Variants in DPP6 observed in about 807,000 individuals in gnomAD.
DPP6 encodes the protein A-type potassium channel modulatory protein DPP6.
A neutral mutation model predicts 122.6 loss-of-function variants in DPP6; 69 were observed. That is an observed-to-expected ratio of 0.56 (90% CI 0.46 to 0.69). The LOEUF is 0.69. Ranked by LOEUF, DPP6 falls within the 30% of genes least tolerant of loss-of-function variation. The probability of loss-of-function intolerance (pLI) is 0.00; values close to 1 mark genes in which losing one functional copy is unlikely to be tolerated. For synonymous variants in DPP6, 418 were observed against 433.1 expected, an observed-to-expected ratio of 0.97 and a Z score of 0.43; for missense variants, 928 against 1,116.9, an observed-to-expected ratio of 0.83 and a Z score of 2.41.
At chr7:153,992,114 G>T (rs1046465309) in intron 1 of DPP6, among the ~76,000 whole-genome samples, 7 of 151,772 alleles carry the variant, frequency 4.6e-5, no homozygotes, top group African/African-American at 1.5e-4. Context: ...CTCCCAAAAG[G>T]CCCCACCCCC....
At chr7:154,847,920 A>G (rs1444075397) in intron 16 of DPP6, among the ~76,000 whole-genome samples, 2 of 152,208 alleles carry the variant, frequency 1.3e-5, no homozygotes. Context: ...AGATCATGTG[A>G]CATTTCTCTT....
At chr7:154,156,922 G>T (rs1796711535) in intron 1 of DPP6, among the ~76,000 whole-genome samples, 1 of 152,284 alleles carries the variant, frequency 6.6e-6, no homozygotes, top group Non-Finnish European at 1.5e-5. Context: ...CCCATTGGTG[G>T]GTGGGGAGGT....
intron 7 of DPP6, among the ~76,000 whole-genome samples, chr7:154,701,568 G>C (rs1381871796): frequency 6.6e-6 from 1 of 152,180 alleles, no homozygotes; most frequent in Non-Finnish European, 1.5e-5. Context: ...CTGTGAATTA[G>C]CGTGGTGTGC....
chr7:153,802,486 A>G, the DPP6 span, among the ~76,000 whole-genome samples: 7 of 152,204 alleles, frequency 4.6e-5, no homozygotes, highest in African/African-American at 1.7e-4. Flanking sequence ...ATGATAAAAA[A>G]GAAGAAACAA....
At chr7:154,122,304 G>A (rs1563220118) in intron 1 of DPP6, among the ~76,000 whole-genome samples, 2 of 152,314 alleles carry the variant, frequency 1.3e-5, no homozygotes, top group South Asian at 2.1e-4. Flanking sequence ...CAGTGGTGAC[G>A]TGGAAATGTA....
Position 154,225,365 on chromosome 7 carries a change from A to G in DPP6, c.243+172302A>G, listed in dbSNP as rs945490878. The stretch of plus-strand genomic sequence containing the variant: ...TACAGCCTATATATTTTAAAATAGA[A>G]TATATATCTATAGAACAGGTACATG... On this transcript the variant is annotated intron_variant, in intron 1 of 25. Transcript: ENST00000377770. 3.3e-5 allele frequency among the ~76,000 whole-genome samples: 5 copies of G among 152,226 alleles called. No individual in the cohort carries two copies. The East Asian group carries it at 9.7e-4, about 29-fold the overall frequency.
At chr7:154,065,090 G>C (rs1802596217) in intron 1 of DPP6, among the ~76,000 whole-genome samples, 1 of 151,978 alleles carries the variant, frequency 6.6e-6, no homozygotes, top group Admixed American at 6.6e-5. Context: ...GACTGTTCCT[G>C]CATCTGAATT....
At chr7:154,881,024 T>A in intron 21 of DPP6, 82 bp downstream of exon 21, 1 of 1,513,466 alleles carries the variant, frequency 6.6e-7, no homozygotes, top group Non-Finnish European at 8.9e-7. Flanking sequence ...CCTGATTTAT[T>A]GAGAACGTCT....
the DPP6 span, among the ~76,000 whole-genome samples, chr7:153,781,132 C>T: frequency 6.6e-6 from 1 of 152,154 alleles, no homozygotes; most frequent in Admixed American, 6.5e-5. Flanking sequence ...GTTTTTAATG[C>T]AGATTAATGA....
chr7:154,812,963 T>C (rs1027925167), intron 16 of DPP6, among the ~76,000 whole-genome samples: 2 of 152,184 alleles, frequency 1.3e-5, no homozygotes, highest in African/African-American at 4.8e-5. Context: ...TATGTTTATG[T>C]TTTATGTTTA....
intron 18 of DPP6, among the ~76,000 whole-genome samples, chr7:154,869,129 G>A (rs139182113): frequency 1.3e-5 from 2 of 152,290 alleles, no homozygotes; most frequent in East Asian, 3.9e-4. Flanking sequence ...GAGCTGAAAG[G>A]GCAGGGGGAG....
chr7:154,763,355 GGAGAGAGA>G (rs5888592), intron 8 of DPP6, among the ~76,000 whole-genome samples: 2 of 146,038 alleles, frequency 1.4e-5, no homozygotes, highest in African/African-American at 2.6e-5. Context: ...AAGGAAGGAA[GGAGAGAGA>G]GAGAGAGAGA....
intron 1 of DPP6, among the ~76,000 whole-genome samples, chr7:154,312,798 C>G (rs928510694): frequency 3.3e-5 from 5 of 152,138 alleles, no homozygotes; most frequent in African/African-American, 4.8e-5. Flanking sequence ...TTGGTTCAAC[C>G]CTTTGAGTAG....
At chr7:154,398,937 G>C (rs2151181419) in intron 1 of DPP6, among the ~76,000 whole-genome samples, 3 of 152,286 alleles carry the variant, frequency 2.0e-5, no homozygotes, top group Middle Eastern at 6.8e-3. Context: ...GAAAGATATT[G>C]TTTCTCCAGG....
chr7:154,623,027 T>A (rs1355115370), intron 5 of DPP6, among the ~76,000 whole-genome samples: 1 of 152,178 alleles, frequency 6.6e-6, no homozygotes, highest in Non-Finnish European at 1.5e-5. Context: ...ATGGAGAGAA[T>A]GCACTTTGTG....
At chr7:154,200,468 A>G (rs545396772) in intron 1 of DPP6, among the ~76,000 whole-genome samples, 1 of 152,218 alleles carries the variant, frequency 6.6e-6, no homozygotes, top group African/African-American at 2.4e-5. Context: ...TGGAGATTGG[A>G]GGAGACCTGA....
At chr7:154,499,647 A>G (rs1193074778) in intron 3 of DPP6, among the ~76,000 whole-genome samples, 1 of 147,998 alleles carries the variant, frequency 6.8e-6, no homozygotes. Flanking sequence ...GATGTTTAAA[A>G]TTAGGGAATA....
At chr7:154,530,041 G>T (rs1233953859) in intron 3 of DPP6, among the ~76,000 whole-genome samples, 1 of 151,760 alleles carries the variant, frequency 6.6e-6, no homozygotes, top group South Asian at 2.1e-4. Flanking sequence ...CAGGAGAATC[G>T]CTTGGACCTG....
intron 1 of DPP6, among the ~76,000 whole-genome samples, chr7:154,014,302 C>G (rs1426054101): frequency 7.0e-6 from 1 of 143,060 alleles, no homozygotes; most frequent in South Asian, 2.4e-4. Context: ...CAAATTTATA[C>G]TAGCATAAGG....
Sources: gnomAD v4.1 joint callset for allele counts (sites outside exome capture counted in the v4.1 genomes callset) on GRCh38, gnomAD v4.1.1 for gene constraint, MANE v1.5 for transcripts, NCBI Gene and HGNC (gene_info 2026-07-23, HGNC 2026-07-21) for gene names.